The following ALMS1 variants were observed in gnomAD, a reference collection of about 807,000 sequenced individuals.
ALMS1 encodes centrosome-associated protein ALMS1.
In ALMS1, 271 loss-of-function variants were observed where a neutral mutation model predicts 352.2. The observed-to-expected ratio is 0.77, with a 90% CI of 0.70 to 0.85. ALMS1 has a LOEUF of 0.85. Among genes scored for constraint, ALMS1 ranks in the 40% least tolerant of loss-of-function variants. ALMS1 has a pLI of 0.00. For missense variants in ALMS1, 5,445 were observed against 4,870.7 expected, an observed-to-expected ratio of 1.12 and a Z score of -3.51; for synonymous variants, 1,865 against 1,761.2, an observed-to-expected ratio of 1.06 and a Z score of -1.48.
chr2:73,562,710 GA>G (rs1674690717), intron 15 of ALMS1, among the ~76,000 whole-genome samples: 1 of 151,772 alleles, frequency 6.6e-6, no homozygotes, highest in Non-Finnish European at 1.5e-5. Context: ...CAACATGGAG[GA>G]TCCCCATATC....
At chr2:73,486,081 C>T (rs745437521) in intron 9 of ALMS1, among the ~76,000 whole-genome samples, 8 of 152,008 alleles carry the variant, frequency 5.3e-5, no homozygotes, top group Admixed American at 1.3e-4. Context: ...TCCTATTCGG[C>T]CATCTTGGCT....
intron 10 of ALMS1, among the ~76,000 whole-genome samples, chr2:73,515,804 C>CACAA (rs1673544053): frequency 6.7e-6 from 1 of 149,678 alleles, no homozygotes; most frequent in African/African-American, 2.5e-5. Context: ...CACACACACA[C>CACAA]AAACTCAGAG....
At chr2:73,461,044 C>A (rs1244724369) in intron 9 of ALMS1, among the ~76,000 whole-genome samples, 2 of 152,230 alleles carry the variant, frequency 1.3e-5, no homozygotes, top group African/African-American at 2.4e-5. Context: ...GCAGCAGTAA[C>A]CTCTGTAGAC....
At chr2:73,546,225 G>A (rs1674316932) in intron 12 of ALMS1, among the ~76,000 whole-genome samples, 1 of 152,176 alleles carries the variant, frequency 6.6e-6, no homozygotes, top group Non-Finnish European at 1.5e-5. Flanking sequence ...AAATAGTAAT[G>A]AGACTGTATA....
In ALMS1 at chr2:73,609,646, T is replaced by C. The variant is rs1171347609; in HGVS notation, c.*34T>C. On this transcript the variant is annotated 3_prime_UTR_variant, in exon 23 of 23. Coordinates refer to ENST00000613296, the MANE Select transcript of ALMS1 (RefSeq NM_001378454.1). ...TATTTTCCTCAGAGCCTTGGAATTC[T>C]ATTTTATGAACCTAGAGAAGCAGAA... 4.4e-6 allele frequency: 7 copies of C among 1,604,448 alleles called. No individual in the cohort carries two copies. In the East Asian group the frequency reaches 1.1e-4, roughly 26 times the overall value.
intron 16 of ALMS1, among the ~76,000 whole-genome samples, chr2:73,593,859 C>G (rs1675485296): frequency 6.6e-6 from 1 of 152,228 alleles, no homozygotes; most frequent in Admixed American, 6.5e-5. Flanking sequence ...TCGTGACTGA[C>G]TTCATTCACT....
chr2:73,598,585 AC>A (rs1399784371), intron 16 of ALMS1, among the ~76,000 whole-genome samples: 1 of 152,094 alleles, frequency 6.6e-6, no homozygotes, highest in African/African-American at 2.4e-5. Flanking sequence ...TCCTATCCTT[AC>A]CCTGGCTTTA....
At chr2:73,590,054 T>C (rs1283296498) in intron 16 of ALMS1, among the ~76,000 whole-genome samples, 2 of 152,106 alleles carry the variant, frequency 1.3e-5, no homozygotes, top group African/African-American at 4.8e-5. Flanking sequence ...GTTTTTTTTT[T>C]TTCTTTTTAA....
chr2:73,499,074 G>C (rs1673168060), intron 10 of ALMS1, among the ~76,000 whole-genome samples: 1 of 152,022 alleles, frequency 6.6e-6, no homozygotes, highest in Non-Finnish European at 1.5e-5. Flanking sequence ...AGTATACAAG[G>C]GTTCCCTTTT....
At chr2:73,482,137 G>A (rs1198904295) in intron 9 of ALMS1, among the ~76,000 whole-genome samples, 1 of 152,154 alleles carries the variant, frequency 6.6e-6, no homozygotes, top group Non-Finnish European at 1.5e-5. Context: ...GGTGAGAGAG[G>A]GCATCCCTGT....
At position 73,471,344 on chromosome 2, in the gene ALMS1, G is replaced by C. The variant is rs557234643; in HGVS notation, c.7674+16049G>C. On this transcript the variant is annotated intron_variant, in intron 9 of 22. Coordinates refer to ENST00000613296, the MANE Select transcript of ALMS1 (RefSeq NM_001378454.1). ...TTTAAAAAAATAGACAAACAGGACT[G>C]CATCTAATTAAAAAGCTTTTGCACA... 2.6e-5 allele frequency among the ~76,000 whole-genome samples: 4 copies of C among 151,038 alleles called. No individual in the cohort carries two copies. In the South Asian group the frequency reaches 8.3e-4, roughly 31 times the overall value.
At chr2:73,487,503 G>T (rs1166569906) in intron 9 of ALMS1, among the ~76,000 whole-genome samples, 5 of 152,180 alleles carry the variant, frequency 3.3e-5, no homozygotes, top group African/African-American at 9.6e-5. Context: ...CCCAAAGAGG[G>T]TGTCATAGTC....
intron 13 of ALMS1, among the ~76,000 whole-genome samples, chr2:73,556,969 T>A (rs891532567): frequency 1.3e-5 from 2 of 152,218 alleles, no homozygotes; most frequent in Non-Finnish European, 2.9e-5. Context: ...CCCAAAGTGC[T>A]GGGATTACAG....
chr2:73,422,791 ATTATATACG>A, intron 3 of ALMS1, 57 bp from the exon 4 acceptor site: 5 of 1,303,046 alleles, frequency 3.8e-6, no homozygotes, highest in Non-Finnish European at 5.6e-6. Context: ...GCTTTAAAGT[ATTATATACG>A]TAAGTAAATA....
chr2:73,416,819 T>C (rs1572909497), intron 2 of ALMS1, among the ~76,000 whole-genome samples: 3 of 152,206 alleles, frequency 2.0e-5, no homozygotes, highest in Middle Eastern at 6.8e-3. Flanking sequence ...CCAAAGATTT[T>C]ACATAAAGAC....
chr2:73,515,198 TCTA>T (rs1473382529), intron 10 of ALMS1, among the ~76,000 whole-genome samples: 2 of 152,210 alleles, frequency 1.3e-5, no homozygotes, highest in African/African-American at 4.8e-5. Context: ...TCTATTTGCT[TCTA>T]CTACAGTTGA....
In ALMS1 at chr2:73,454,009, T is replaced by C. The variant is rs900804386; in HGVS notation, c.7482T>C (p.Asn2494=). 15 of 1,613,610 alleles carry C rather than the reference T, an allele frequency of 9.3e-6. No homozygotes were observed. The highest frequency in any genetic ancestry group is 1.3e-5 in the African/African-American group (1 of 74,886). The change falls in exon 8 of 23, where the codon AAT becomes AAC. Residue 2494 remains asparagine (N), a synonymous_variant. Coordinates refer to ENST00000613296, the MANE Select transcript of ALMS1 (RefSeq NM_001378454.1). ...KNLLQCESSL[N]HAKEILRNAE... ...TTCTGCAATGTGAATCCTCACTGAATCATGCTAAAGAAATACTCAGAAATG... is the reference window on the plus strand; with the variant it reads ...TTCTGCAATGTGAATCCTCACTGAACCATGCTAAAGAAATACTCAGAAATG...
At chr2:73,413,136 G>A (rs894079292) in intron 2 of ALMS1, among the ~76,000 whole-genome samples, 2 of 151,884 alleles carry the variant, frequency 1.3e-5, no homozygotes, top group Non-Finnish European at 2.9e-5. Flanking sequence ...TTCAGTGAGA[G>A]ATCTGTTAAA....
intron 9 of ALMS1, chr2:73,458,337 T>C (rs539851325): frequency 4.6e-5 from 7 of 152,292 alleles, no homozygotes; most frequent in Middle Eastern, 3.4e-3. Flanking sequence ...TAATATCCCA[T>C]TGTATGAACA....
Sources: allele counts gnomAD v4.1 joint callset (sites outside exome capture counted in the v4.1 genomes callset), GRCh38; gene constraint gnomAD v4.1.1; transcripts MANE v1.5; gene names NCBI Gene and HGNC (gene_info 2026-07-23, HGNC 2026-07-21).